PCDH11X: variants seen among roughly 807,000 people sequenced by gnomAD.
PCDH11X encodes protocadherin-11 X-linked.
In PCDH11X, 18 loss-of-function variants were observed where a neutral mutation model predicts 53.3. That is an observed-to-expected ratio of 0.34 (90% CI 0.23 to 0.50). The LOEUF is 0.50. Ranked by LOEUF, PCDH11X falls within the 20% of genes least tolerant of loss-of-function variation. The pLI, the probability that PCDH11X is intolerant of heterozygous loss-of-function variation, is 0.98. For missense variants in PCDH11X, 570 were observed against 1,032.4 expected (o/e 0.55, Z 6.14); for synonymous variants, 279 against 393.3 (o/e 0.71, Z 3.44).
chrX:92,386,286 C>A (rs1012924775), intron 8 of PCDH11X, among the ~76,000 whole-genome samples: 6 of 111,351 alleles, frequency 5.4e-5, no homozygotes, highest in Non-Finnish European at 1.1e-4. Context: ...GAAGAAATGG[C>A]TGACTGTTAG....
At position 92,149,430 on chromosome X, in the gene PCDH11X, A is replaced by ACT. The variant is rs199657624; in HGVS notation, c.3034-51920_3034-51919dup. 5.9e-3 allele frequency among the ~76,000 whole-genome samples: 474 copies of ACT among 80,336 alleles called. 1 individual carries two copies. Among genetic ancestry groups the ACT allele is most frequent in the African/African-American group, 0.016 (375 of 23,030 alleles). 69.8% of individuals were successfully genotyped at this position (80,336 alleles called of 115,157 possible). A position where few individuals can be genotyped will look rare whatever the true frequency, so the allele number is the denominator to read the frequency against. On this transcript the variant is annotated intron_variant, in intron 6 of 10. Coordinates refer to ENST00000682573, the MANE Select transcript of PCDH11X (RefSeq NM_032968.5). ...AATGAGAGATCTCTCTCTTTCTCTC[A>ACT]CTCTCTCTCTCTCTCTCTCTCTCTC... is the stretch of plus-strand genomic sequence containing the variant.
intron 7 of PCDH11X, among the ~76,000 whole-genome samples, chrX:92,241,893 A>G (rs772450625): frequency 1.8e-4 from 20 of 111,304 alleles, no homozygotes; most frequent in Non-Finnish European, 3.2e-4. Flanking sequence ...TCACATGTAC[A>G]CTCATTTGTA....
chrX:92,618,721 A>C lies in PCDH11X; in HGVS notation c.3825A>C (p.Ser1275=), dbSNP rs761463918. The change falls in exon 11 of 11, where the codon TCA becomes TCC. Residue 1275 remains serine (S), a synonymous_variant. Coordinates refer to ENST00000682573, the MANE Select transcript of PCDH11X (RefSeq NM_032968.5). ...TCCATCGTAGTCAGGCCCAATCATC[A>C]GTCAGTTTGCAGCAAGGTTGGGTGC... The part of the protein sequence containing the change: ...IALHRSQAQS[S]VSLQQGWVQG... 2.5e-6 allele frequency: 3 copies of C among 1,211,997 alleles called. No individual in the cohort carries two copies. In the Admixed American group the frequency reaches 6.5e-5, roughly 26 times the overall value.
At position 91,817,613 on chromosome X, in the gene PCDH11X, T is replaced by C. The variant is rs143283937; in HGVS notation, c.-45+6318T>C. Among the ~76,000 whole-genome samples, 354 of 111,430 alleles carry C rather than the reference T, an allele frequency of 3.2e-3. 3 individuals carry two copies. The highest frequency in any genetic ancestry group is 0.011 in the African/African-American group (345 of 30,703). The stretch of plus-strand genomic sequence containing the variant: ...TTAAGTCCTTAGCCTTATTGGACAA[T>C]TGAGCACTTAAAATGTGCTTAGTAC... On this transcript the variant is annotated intron_variant, in intron 4 of 10. Coordinates refer to ENST00000682573, the MANE Select transcript of PCDH11X (RefSeq NM_032968.5).
In PCDH11X at chrX:92,173,793, G is replaced by A. The variant is rs1304819822; in HGVS notation, c.3034-27582G>A. On this transcript the variant is annotated intron_variant, in intron 6 of 10. Transcript: ENST00000682573. Reference sequence around the variant, plus strand: ...GAGCCCAGGAGTTTGAGACCAGCCTGGGCAACATGGAGAACCCCCATCTCT... The same window carrying A: ...GAGCCCAGGAGTTTGAGACCAGCCTAGGCAACATGGAGAACCCCCATCTCT... Among the ~76,000 whole-genome samples the A allele has an allele frequency of 4.7e-5, 5 of 106,700 alleles. No individual in the cohort carries two copies. The Admixed American group carries it at 5.1e-4, about 11-fold the overall frequency. 92.7% of individuals were successfully genotyped at this position (106,700 alleles called of 115,157 possible).
At chrX:92,309,462 A>G (rs948801280) in intron 8 of PCDH11X, among the ~76,000 whole-genome samples, 24 of 111,413 alleles carry the variant, frequency 2.2e-4, no homozygotes, top group African/African-American at 7.8e-4. Context: ...TATTCCTAGA[A>G]ATAGAAAGTA....
At chrX:92,278,806 GTTTTTTTTT>G (rs35000823) in intron 8 of PCDH11X, among the ~76,000 whole-genome samples, 1 of 47,398 alleles carries the variant, frequency 2.1e-5, no homozygotes, top group African/African-American at 9.3e-5. Flanking sequence ...TCTCTTTTCA[GTTTTTTTTT>G]TTTTTTTTTT....
intron 10 of PCDH11X, among the ~76,000 whole-genome samples, chrX:92,576,011 T>TGTACACAC (rs1556500733): frequency 7.1e-5 from 2 of 28,097 alleles, no homozygotes; most frequent in African/African-American, 3.4e-4. Context: ...TATATATATA[T>TGTACACAC]ACACACACAC....
At chrX:91,962,125 A>T (rs1273984166) in intron 6 of PCDH11X, among the ~76,000 whole-genome samples, 1 of 105,882 alleles carries the variant, frequency 9.4e-6, no homozygotes, top group East Asian at 3.1e-4. Flanking sequence ...GTTTCAAAAC[A>T]AAATCACACC....
At chrX:92,559,243 G>A (rs905208745) in intron 10 of PCDH11X, among the ~76,000 whole-genome samples, 4 of 110,223 alleles carry the variant, frequency 3.6e-5, no homozygotes, top group African/African-American at 1.3e-4. Context: ...ATCATTTGCA[G>A]GATTAAGAAA....
chrX:91,969,482 A>C (rs1405189532), intron 6 of PCDH11X, among the ~76,000 whole-genome samples: 1 of 110,384 alleles, frequency 9.1e-6, no homozygotes, highest in South Asian at 3.9e-4. Context: ...ACTAAGCGTC[A>C]AGGTAGTGAA....
intron 7 of PCDH11X, among the ~76,000 whole-genome samples, chrX:92,241,463 C>A (rs1280050694): frequency 8.9e-6 from 1 of 111,940 alleles, no homozygotes; most frequent in African/African-American, 3.2e-5. Flanking sequence ...GCAATGAAGT[C>A]CAAATAAAAT....
At chrX:92,005,386 C>T (rs34927516) in intron 6 of PCDH11X, among the ~76,000 whole-genome samples, 6 of 110,362 alleles carry the variant, frequency 5.4e-5, no homozygotes, top group East Asian at 2.9e-4. Flanking sequence ...TGGAGGTTAC[C>T]GTGAGGCTTG....
intron 6 of PCDH11X, among the ~76,000 whole-genome samples, chrX:91,989,482 G>A (rs755747102): frequency 9.1e-6 from 1 of 110,382 alleles, no homozygotes; most frequent in Admixed American, 9.6e-5. Flanking sequence ...AGAATGGCGT[G>A]AACCCAGGAG....
intron 8 of PCDH11X, among the ~76,000 whole-genome samples, chrX:92,307,352 G>GA (rs935748306): frequency 5.5e-5 from 6 of 109,777 alleles, no homozygotes; most frequent in Admixed American, 2.0e-4. Context: ...CAGAATGAAG[G>GA]AAAAAAATTA....
At chrX:91,889,560 G>A (rs377585915) in intron 6 of PCDH11X, among the ~76,000 whole-genome samples, 21 of 112,201 alleles carry the variant, frequency 1.9e-4, no homozygotes, top group African/African-American at 6.8e-4. Flanking sequence ...TGATCCACCC[G>A]CCTCAGCCTC....
intron 10 of PCDH11X, among the ~76,000 whole-genome samples, chrX:92,499,673 A>AAAAAAAAAAAAAAAAAAAAAAAC (rs2073925228): frequency 1.2e-5 from 1 of 80,486 alleles, no homozygotes; most frequent in African/African-American, 5.1e-5. Context: ...AAAAAAAAAA[A>AAAAAAAAAAAAAAAAAAAAAAAC]AAAAAAAAGC....
intron 10 of PCDH11X, among the ~76,000 whole-genome samples, chrX:92,612,309 C>T (rs2750720): frequency 0.3 from 32,527 of 107,859 alleles, 5,061 homozygotes; most frequent in African/African-American, 0.56. Flanking sequence ...GGTTTCAATC[C>T]CTTCCTGATT....
intron 8 of PCDH11X, among the ~76,000 whole-genome samples, chrX:92,325,561 G>T (rs1041331689): frequency 6.3e-5 from 7 of 111,129 alleles, no homozygotes; most frequent in African/African-American, 2.3e-4. Context: ...GAGAGAAAAA[G>T]AAACTCACCA....
Sources: allele counts gnomAD v4.1 joint callset (sites outside exome capture counted in the v4.1 genomes callset), GRCh38; gene constraint gnomAD v4.1.1; transcripts MANE v1.5; gene names NCBI Gene and HGNC (gene_info 2026-07-23, HGNC 2026-07-21).